The following JRK variants were observed in gnomAD, a reference collection of about 807,000 sequenced individuals.
JRK encodes jerky protein homolog.
For synonymous variants in JRK, 303 were observed against 218.1 expected (o/e 1.39, Z -3.43); for missense variants, 720 against 509.2 (o/e 1.41, Z -3.98).
the JRK span, among the ~76,000 whole-genome samples, chr8:142,646,807 T>C: frequency 9.1e-4 from 138 of 152,350 alleles, no homozygotes; most frequent in African/African-American, 3.1e-3. Context: ...TAGTGAAACA[T>C]TGTGTATACA....
chr8:142,665,603 A>C lies in JRK; in HGVS notation c.456T>G (p.Ser152Arg). 1 of 718,530 alleles carries C rather than the reference A, an allele frequency of 1.4e-6. No individual in the cohort carries two copies. 44.5% of individuals were successfully genotyped at this position (718,530 alleles called of 1,614,324 possible). The part of the protein sequence containing the change: ...RHGIKKLDAS[S>R]EKQSADHQAA... ...CCTGGTGGTCGGCTGACTGCTTTTCACTGGATGCATCTAGCTTTTTAATGC... is the reference window on the plus strand; with the variant it reads ...CCTGGTGGTCGGCTGACTGCTTTTCCCTGGATGCATCTAGCTTTTTAATGC... Residue 152 changes from serine (S) to arginine (R), a missense_variant, in exon 2 of 2, where the codon AGT becomes AGG. By Grantham distance (110) the Ser-to-Arg change is moderately radical. Coordinates refer to ENST00000612905, the MANE Select transcript of JRK (RefSeq NM_003724.4).
At chr8:142,654,450 T>C (rs1478453153), downstream of JRK, among the ~76,000 whole-genome samples, 1 of 151,910 alleles carries the variant, frequency 6.6e-6, no homozygotes, top group African/African-American at 2.4e-5. Flanking sequence ...GAGCAAGGAA[T>C]GTTTGTGAGG....
At position 142,663,321 on chromosome 8, in the gene JRK, C is replaced by A. The variant is rs943013921; in HGVS notation, c.*1031G>T. On this transcript the variant is annotated 3_prime_UTR_variant, in exon 2 of 2. Coordinates refer to ENST00000612905, the MANE Select transcript of JRK (RefSeq NM_003724.4). ...TGGAGAAAATAACCACATCCTCTTA[C>A]AACCGCCTCTGTGAAAACTGACCAG... 3 of 985,454 alleles carry A rather than the reference C, an allele frequency of 3.0e-6. No individual in the cohort carries two copies. Among genetic ancestry groups the A allele is most frequent in the East Asian group, 1.1e-4 (1 of 8,820 alleles). The allele number at this position is 985,454 out of a possible 1,614,324, so 61.0% of individuals were successfully genotyped here. A position where few individuals can be genotyped will look rare whatever the true frequency, so the allele number is the denominator to read the frequency against.
downstream of JRK, among the ~76,000 whole-genome samples, chr8:142,653,852 C>G (rs1263413548): frequency 6.6e-6 from 1 of 152,172 alleles, no homozygotes; most frequent in Admixed American, 6.5e-5. Context: ...CCAAACTGTC[C>G]TTGAAAAATT....
intron 1 of JRK, among the ~76,000 whole-genome samples, chr8:142,668,942 C>T (rs1554636727): frequency 6.6e-6 from 1 of 151,712 alleles, no homozygotes. Flanking sequence ...TCCCTGTCTC[C>T]CCGAAATTAG....
Position 142,663,473 on chromosome 8 carries a change from A to T in JRK, c.*879T>A. The T allele has an allele frequency of 1.0e-6, 1 of 985,426 alleles. No individual in the cohort carries two copies. Among genetic ancestry groups the T allele is most frequent in the Non-Finnish European group, 1.2e-6 (1 of 829,898 alleles). 61.0% of individuals were successfully genotyped at this position (985,426 alleles called of 1,614,324 possible). The stretch of plus-strand genomic sequence containing the variant: ...GTGACTTACGTGCAAACCTAAGACT[A>T]ATCTCTGAATGTCTGATCAAGACGT... On this transcript the variant is annotated 3_prime_UTR_variant, in exon 2 of 2. Transcript: ENST00000612905.
rs1587518766 is a variant in JRK at position 142,661,459 on chromosome 8, G to C, written c.*2893C>G. The C allele has an allele frequency of 1.0e-6, 1 of 985,440 alleles. No homozygotes were observed. The highest frequency in any genetic ancestry group is 4.7e-5 in the South Asian group (1 of 21,288). 61.0% of individuals were successfully genotyped at this position (985,440 alleles called of 1,614,324 possible). A position where few individuals can be genotyped will look rare whatever the true frequency, so the allele number is the denominator to read the frequency against. ...GGGTGCCACCCCAAAGATGAAGGCA[G>C]TGGTGGAAAGAGGTTCTATTAGCAG... On this transcript the variant is annotated 3_prime_UTR_variant, in exon 2 of 2. Coordinates refer to ENST00000612905, the MANE Select transcript of JRK (RefSeq NM_003724.4).
In JRK at chr8:142,665,449, C is replaced by T. The variant is rs781914334; in HGVS notation, c.610G>A (p.Gly204Arg). 17 of 717,792 alleles carry T rather than the reference C, an allele frequency of 2.4e-5. No individual in the cohort carries two copies. The highest frequency in any genetic ancestry group is 4.2e-5 in the Non-Finnish European group (16 of 385,100). The allele number at this position is 717,792 out of a possible 1,614,324, so 44.5% of individuals were successfully genotyped here. A position where few individuals can be genotyped will look rare whatever the true frequency, so the allele number is the denominator to read the frequency against. Reference sequence around the variant, plus strand: ...CCCTGCTTGGGGCCAGGCACAGCCCCGCCTTCCGGAGTGGGATTTGGCAGG... The same window carrying T: ...CCCTGCTTGGGGCCAGGCACAGCCCTGCCTTCCGGAGTGGGATTTGGCAGG... ...RCLPNPTPEGGAVPGPKQGKD... is the reference protein window; with the variant it reads ...RCLPNPTPEGRAVPGPKQGKD... Residue 204 changes from glycine to arginine, a missense_variant, in exon 2 of 2, where the codon GGG becomes AGG. Transcript: ENST00000612905.
Position 142,661,029 on chromosome 8 carries a change from C to T in JRK, c.*3323G>A. 2 of 985,380 alleles carry T rather than the reference C, an allele frequency of 2.0e-6. No individual in the cohort carries two copies. The highest frequency in any genetic ancestry group is 2.4e-6 in the Non-Finnish European group (2 of 829,878). The allele number at this position is 985,380 out of a possible 1,614,324, so 61.0% of individuals were successfully genotyped here. On this transcript the variant is annotated 3_prime_UTR_variant, in exon 2 of 2. Transcript: ENST00000612905. ...ACCACTAGCAATCAATCACTTGGCCCACTGGATAAGAACAGTGGCCTGCGA... is the reference window on the plus strand; with the variant it reads ...ACCACTAGCAATCAATCACTTGGCCTACTGGATAAGAACAGTGGCCTGCGA...
chr8:142,666,142 CT>C lies in JRK; in HGVS notation c.-85del. The C allele has an allele frequency of 6.5e-7, 1 of 1,548,096 alleles. No individual in the cohort carries two copies. Among genetic ancestry groups the C allele is most frequent in the Non-Finnish European group, 8.7e-7 (1 of 1,146,112 alleles). The stretch of plus-strand genomic sequence containing the variant: ...ACTACTTCCCTCTCCTCCTGCTCCC[CT>C]TCTGGGGCTCCGTCTCTCCCTCTCC... On this transcript the variant is annotated 5_prime_UTR_variant, in exon 2 of 2. Transcript: ENST00000612905.
chr8:142,661,952 A>T lies in JRK; in HGVS notation c.*2400T>A. 4 of 985,544 alleles carry T rather than the reference A, an allele frequency of 4.1e-6. No individual in the cohort carries two copies. The highest frequency in any genetic ancestry group is 4.8e-6 in the Non-Finnish European group (4 of 830,048). The allele number at this position is 985,544 out of a possible 1,614,324, so 61.0% of individuals were successfully genotyped here. A position where few individuals can be genotyped will look rare whatever the true frequency, so the allele number is the denominator to read the frequency against. ...CAGGCAGCTGGGCCCAGCAGCTCAG[A>T]GATGAGTACGCTCTGGGCTCCCTAA... is the stretch of plus-strand genomic sequence containing the variant. On this transcript the variant is annotated 3_prime_UTR_variant, in exon 2 of 2. Transcript: ENST00000612905.
chr8:142,648,526 C>T, the JRK span, among the ~76,000 whole-genome samples: 1 of 152,254 alleles, frequency 6.6e-6, no homozygotes, highest in Non-Finnish European at 1.5e-5. Flanking sequence ...AGTCCCAAGC[C>T]TTGGCAGTTT....
chr8:142,663,500 T>G lies in JRK; in HGVS notation c.*852A>C, dbSNP rs962919947. Reference sequence around the variant, plus strand: ...TCTCTGAATGTCTGATCAAGACGTATTCATGTAAAGGCCATAAGTATGAAA... The same window carrying G: ...TCTCTGAATGTCTGATCAAGACGTAGTCATGTAAAGGCCATAAGTATGAAA... On this transcript the variant is annotated 3_prime_UTR_variant, in exon 2 of 2. Transcript: ENST00000612905. The G allele has an allele frequency of 1.0e-6, 1 of 985,482 alleles. No individual in the cohort carries two copies. Among genetic ancestry groups the G allele is most frequent in the African/African-American group, 1.7e-5 (1 of 57,376 alleles). The allele number at this position is 985,482 out of a possible 1,614,324, so 61.0% of individuals were successfully genotyped here. A position where few individuals can be genotyped will look rare whatever the true frequency, so the allele number is the denominator to read the frequency against.
In JRK at chr8:142,664,449, G is replaced by GC; in HGVS notation, c.1609dup (p.Ala537GlyfsTer6). ...CTGGAGGGCTTCAACCTTGACCACA[G>GC]CCCCGAGGGCACCACGCCGCCTCCT... On this transcript the variant is annotated frameshift_variant, in exon 2 of 2. Coordinates refer to ENST00000612905, the MANE Select transcript of JRK (RefSeq NM_003724.4). LOFTEE classifies it low-confidence loss of function (END_TRUNC). The GC allele has an allele frequency of 6.2e-7, 1 of 1,611,714 alleles. No homozygotes were observed. Among genetic ancestry groups the GC allele is most frequent in the Non-Finnish European group, 8.5e-7 (1 of 1,179,076 alleles).
In JRK at chr8:142,662,478, G is replaced by A. The variant is rs1846947146; in HGVS notation, c.*1874C>T. The A allele has an allele frequency of 2.0e-6, 2 of 985,282 alleles. No individual in the cohort carries two copies. The highest frequency in any genetic ancestry group is 3.5e-5 in the African/African-American group (2 of 57,232). 61.0% of individuals were successfully genotyped at this position (985,282 alleles called of 1,614,324 possible). A position where few individuals can be genotyped will look rare whatever the true frequency, so the allele number is the denominator to read the frequency against. ...AATGGCACAAAGTACATGATGTGCA[G>A]AAGTTCCCCAGACAATGAAGCAAAC... On this transcript the variant is annotated 3_prime_UTR_variant, in exon 2 of 2. Transcript: ENST00000612905.
Position 142,665,129 on chromosome 8 carries a change from C to G in JRK, c.930G>C (p.Leu310=). Residue 310 remains leucine (L), a synonymous_variant, in exon 2 of 2, where the codon CTG becomes CTC. Coordinates refer to ENST00000612905, the MANE Select transcript of JRK (RefSeq NM_003724.4). Reference sequence around the variant, plus strand: ...AGATGGTGAAAACGTTACTGGACACCAGCTCGGCCTCCTGCGGGTGAGCCC... The same window carrying G: ...AGATGGTGAAAACGTTACTGGACACGAGCTCGGCCTCCTGCGGGTGAGCCC... ...SSRAHPQEAE[L]VSSNVFTIFL... 1.4e-6 allele frequency: 1 copy of G among 717,880 alleles called. No homozygotes were observed. 44.5% of individuals were successfully genotyped at this position (717,880 alleles called of 1,614,324 possible). A position where few individuals can be genotyped will look rare whatever the true frequency, so the allele number is the denominator to read the frequency against.
rs1167568994 is a variant in JRK, at chr8:142,663,092, G to A, written c.*1260C>T. On this transcript the variant is annotated 3_prime_UTR_variant, in exon 2 of 2. Transcript: ENST00000612905. ...CACTCAAGCCAGGGAGGTCGAGGCT[G>A]CAGTGAGCTGGGATCACACCACTTC... 2 of 906,434 alleles carry A rather than the reference G, an allele frequency of 2.2e-6. No homozygotes were observed. Among genetic ancestry groups the A allele is most frequent in the Non-Finnish European group, 1.3e-6 (1 of 758,214 alleles). 56.1% of individuals were successfully genotyped at this position (906,434 alleles called of 1,614,324 possible).
chr8:142,667,428 CGG>C (rs1563798636), intron 1 of JRK, among the ~76,000 whole-genome samples: 1 of 113,056 alleles, frequency 8.8e-6, no homozygotes, highest in African/African-American at 3.2e-5. Flanking sequence ...TGGACGGACA[CGG>C]AGACACACAC....
chr8:142,648,050 C>T, the JRK span, among the ~76,000 whole-genome samples: 11 of 152,256 alleles, frequency 7.2e-5, no homozygotes, highest in East Asian at 3.9e-4. Context: ...GGAGATGTGA[C>T]GAATTCTGAA....
Sources: allele counts gnomAD v4.1 joint callset (sites outside exome capture counted in the v4.1 genomes callset), GRCh38; gene constraint gnomAD v4.1.1; transcripts MANE v1.5; gene names NCBI Gene and HGNC (gene_info 2026-07-23, HGNC 2026-07-21).